Variants in ADAMTS19 observed in about 807,000 individuals in gnomAD.
The protein encoded by ADAMTS19 is A disintegrin and metalloproteinase with thrombospondin motifs 19.
In ADAMTS19, 93 loss-of-function variants were observed where a neutral mutation model predicts 153.3. That is an observed-to-expected ratio of 0.61 (90% CI 0.51 to 0.72). ADAMTS19 has a LOEUF of 0.72. Ranked by LOEUF, ADAMTS19 falls within the 30% of genes least tolerant of loss-of-function variation. ADAMTS19 has a pLI of 0.00. For synonymous variants in ADAMTS19, 600 were observed against 556.6 expected (o/e 1.08, Z -1.10); for missense variants, 1,482 against 1,552.1 (o/e 0.95, Z 0.76).
At chr5:129,691,004 A>G (rs571260374) in intron 18 of ADAMTS19, among the ~76,000 whole-genome samples, 62 of 152,258 alleles carry the variant, frequency 4.1e-4, no homozygotes, top group African/African-American at 1.5e-3. Flanking sequence ...AGCATTTACA[A>G]TGCAAGTTCT....
At chr5:129,721,618 C>T (rs1757009057) in intron 21 of ADAMTS19, among the ~76,000 whole-genome samples, 1 of 151,828 alleles carries the variant, frequency 6.6e-6, no homozygotes, top group South Asian at 2.1e-4. Flanking sequence ...CTTTAAGTTC[C>T]AGGATACGTG....
rs949443868 is a variant in ADAMTS19, at chr5:129,470,063, T to C, written c.747+8306T>C. 3.3e-5 allele frequency among the ~76,000 whole-genome samples: 5 copies of C among 152,224 alleles called. No homozygotes were observed. The East Asian group carries it at 9.6e-4, about 29-fold the overall frequency. ...ATTTAATCATATATTAACCTATGTC[T>C]TCATTCTCAGAGATTTGAGACATGG... On this transcript the variant is annotated intron_variant, in intron 2 of 22. Coordinates refer to ENST00000274487, the MANE Select transcript of ADAMTS19 (RefSeq NM_133638.6).
chr5:129,626,432 A>T (rs1445946336), intron 10 of ADAMTS19, among the ~76,000 whole-genome samples: 1 of 152,090 alleles, frequency 6.6e-6, no homozygotes, highest in African/African-American at 2.4e-5. Flanking sequence ...TGATCTCTGA[A>T]AATATGATTG....
chr5:129,698,484 T>A (rs1385406252), intron 19 of ADAMTS19, among the ~76,000 whole-genome samples: 1 of 152,196 alleles, frequency 6.6e-6, no homozygotes, highest in Non-Finnish European at 1.5e-5. Flanking sequence ...CCTTTGTAAG[T>A]GAAGGTCTCT....
chr5:129,508,373 G>A (rs2126724001), intron 2 of ADAMTS19, among the ~76,000 whole-genome samples: 1 of 152,026 alleles, frequency 6.6e-6, no homozygotes, highest in Non-Finnish European at 1.5e-5. Flanking sequence ...AAAAGGAAAG[G>A]AAGAAATGAC....
In ADAMTS19 at chr5:129,655,459, C is replaced by G. The variant is rs1241065481; in HGVS notation, c.2304+1026C>G. Reference sequence around the variant, plus strand: ...GAGGCTGCTGAGTGGAGTGGCACTGCATCCATGACAGCCTTTAGGAAACTG... The same window carrying G: ...GAGGCTGCTGAGTGGAGTGGCACTGGATCCATGACAGCCTTTAGGAAACTG... On this transcript the variant is annotated intron_variant, in intron 14 of 22. Transcript: ENST00000274487. Among the ~76,000 whole-genome samples, 4 of 152,184 alleles carry G rather than the reference C, an allele frequency of 2.6e-5. No individual in the cohort carries two copies. In the East Asian group the frequency reaches 7.7e-4, roughly 29 times the overall value.
chr5:129,655,592 A>G (rs1005950172), intron 14 of ADAMTS19, among the ~76,000 whole-genome samples: 3 of 152,122 alleles, frequency 2.0e-5, no homozygotes, highest in Non-Finnish European at 2.9e-5. Context: ...CTCCTTTGAG[A>G]ATTTGATGAA....
At chr5:129,500,008 C>G (rs10052336) in intron 2 of ADAMTS19, among the ~76,000 whole-genome samples, 16,573 of 152,070 alleles carry the variant, frequency 0.11, 1,184 homozygotes, top group African/African-American at 0.21. Flanking sequence ...GCCCGCCCCT[C>G]CTAGTTTTAT....
intron 2 of ADAMTS19, among the ~76,000 whole-genome samples, chr5:129,462,536 T>G (rs1749711869): frequency 1.3e-5 from 2 of 151,858 alleles, no homozygotes; most frequent in South Asian, 4.2e-4. Flanking sequence ...ATGTAGAACA[T>G]CATTTGATTT....
At chr5:129,623,795 TG>T (rs1751892864) in intron 10 of ADAMTS19, among the ~76,000 whole-genome samples, 1 of 151,856 alleles carries the variant, frequency 6.6e-6, no homozygotes, top group African/African-American at 2.4e-5. Flanking sequence ...AGTGAATGTA[TG>T]GAGTTGGAGC....
rs76209616 is a variant in ADAMTS19, at chr5:129,609,592, G to A, written c.1479-11026G>A. Among the ~76,000 whole-genome samples, 912 of 152,156 alleles carry A rather than the reference G, an allele frequency of 6.0e-3. 3 individuals carry two copies. The highest frequency in any genetic ancestry group is 0.028 in the East Asian group (145 of 5,178). On this transcript the variant is annotated intron_variant, in intron 8 of 22. Coordinates refer to ENST00000274487, the MANE Select transcript of ADAMTS19 (RefSeq NM_133638.6). ...CTTGTAGACCACTAGCACGGCTTTCGTATTTGATATTTTATTTAGACAACG... is the reference window on the plus strand; with the variant it reads ...CTTGTAGACCACTAGCACGGCTTTCATATTTGATATTTTATTTAGACAACG...
At position 129,528,660 on chromosome 5, in the gene ADAMTS19, A is replaced by C. The variant is rs562818520; in HGVS notation, c.1311A>C (p.Ala437=). ...NWGEDMTSVD[A]AILITRKDFC... ...GGGAAGACATGACTTCAGTGGATGC[A>C]GCTATACTTATAACAAGGTAAATTT... is the stretch of plus-strand genomic sequence containing the variant. Residue 437 remains alanine, a synonymous_variant, in exon 6 of 23, where the codon GCA becomes GCC. Transcript: ENST00000274487. The C allele has an allele frequency of 6.3e-7, 1 of 1,596,142 alleles. No individual in the cohort carries two copies. The highest frequency in any genetic ancestry group is 1.4e-5 in the African/African-American group (1 of 73,606).
At chr5:129,707,811 G>A (rs1756236008) in intron 21 of ADAMTS19, among the ~76,000 whole-genome samples, 1 of 152,082 alleles carries the variant, frequency 6.6e-6, no homozygotes, top group South Asian at 2.1e-4. Context: ...TTCAGCCTTG[G>A]ATTTACTTTA....
chr5:129,512,886 A>G (rs1218744724), intron 3 of ADAMTS19, among the ~76,000 whole-genome samples: 3 of 151,982 alleles, frequency 2.0e-5, no homozygotes, highest in Admixed American at 6.6e-5. Flanking sequence ...CCCTGAATAC[A>G]GGCATTTCTC....
intron 3 of ADAMTS19, among the ~76,000 whole-genome samples, chr5:129,518,514 C>A (rs946465496): frequency 2.0e-5 from 3 of 152,086 alleles, no homozygotes; most frequent in Admixed American, 1.3e-4. Context: ...CAGTACATGA[C>A]ACGCTACTCT....
At position 129,622,314 on chromosome 5, in the gene ADAMTS19, T is replaced by G. The variant is rs775267815; in HGVS notation, c.1736T>G (p.Phe579Cys). ...YTADEQCQIL[F>C]GPLASFCQEM... ...GCTGATGAACAATGCCAGATCCTTT[T>G]TGGGCCATTGGCTTCTTTTTGTCAG... Residue 579 changes from phenylalanine to cysteine, a missense_variant, in exon 10 of 23, where the codon TTT becomes TGT. Transcript: ENST00000274487. 3.7e-6 allele frequency: 6 copies of G among 1,613,986 alleles called. No homozygotes were observed. The highest frequency in any genetic ancestry group is 4.2e-6 in the Non-Finnish European group (5 of 1,179,996).
chr5:129,707,959 A>G (rs1045166259), intron 21 of ADAMTS19, among the ~76,000 whole-genome samples: 1 of 152,222 alleles, frequency 6.6e-6, no homozygotes, highest in Non-Finnish European at 1.5e-5. Flanking sequence ...AGAATCATTG[A>G]CTGCTATTGG....
chr5:129,582,575 A>T (rs923292737), intron 7 of ADAMTS19, among the ~76,000 whole-genome samples: 1 of 151,210 alleles, frequency 6.6e-6, no homozygotes, highest in Admixed American at 6.6e-5. Context: ...TTTATTTTTA[A>T]TTTTTTTAAT....
intron 3 of ADAMTS19, among the ~76,000 whole-genome samples, chr5:129,512,667 G>C (rs1011826678): frequency 1.3e-5 from 2 of 151,948 alleles, no homozygotes; most frequent in Admixed American, 1.3e-4. Flanking sequence ...TGACAGATTG[G>C]GGCCAACACA....
Sources: allele counts gnomAD v4.1 joint callset (sites outside exome capture counted in the v4.1 genomes callset), GRCh38; gene constraint gnomAD v4.1.1; transcripts MANE v1.5; gene names NCBI Gene and HGNC (gene_info 2026-07-23, HGNC 2026-07-21).